Variants in OOEP observed in about 807,000 individuals in gnomAD.
OOEP encodes the protein oocyte expressed protein, also known as oocyte-expressed protein homolog.
OOEP carries 16 observed loss-of-function variants against 13.7 expected under a neutral mutation model. The observed-to-expected ratio is 1.16, with a 90% CI of 0.79 to 1.77. The LOEUF is 1.77. Among genes scored for constraint, OOEP ranks in the 40% most tolerant of loss-of-function variants. The pLI is 0.00. For missense variants in OOEP, 195 were observed against 193.1 expected, an observed-to-expected ratio of 1.01 and a Z score of -0.06; for synonymous variants, 89 against 77.1, an observed-to-expected ratio of 1.15 and a Z score of -0.81.
intron 2 of OOEP, among the ~76,000 whole-genome samples, chr6:73,390,635 G>A (rs1404744176): frequency 6.9e-6 from 1 of 144,940 alleles, no homozygotes; most frequent in Non-Finnish European, 1.5e-5. Context: ...GGAGTGTGAT[G>A]GTGCGATCTC....
intron 2 of OOEP, among the ~76,000 whole-genome samples, chr6:73,375,022 T>A (rs557994818): frequency 6.6e-6 from 1 of 152,204 alleles, no homozygotes; most frequent in African/African-American, 2.4e-5. Context: ...AGACGGGGTT[T>A]CGCCATGTTG....
Position 73,380,167 on chromosome 6 carries a change from G to A in OOEP, c.26-10782C>T, listed in dbSNP as rs143411260. 5.3e-3 allele frequency among the ~76,000 whole-genome samples: 803 copies of A among 151,510 alleles called. 7 individuals carry two copies. Among genetic ancestry groups the A allele is most frequent in the Non-Finnish European group, 9.2e-3 (626 of 67,944 alleles). On this transcript the variant is annotated intron_variant, in intron 2 of 3. Coordinates refer to the OOEP transcript ENST00000370363. ...GTATAATAAAAAATCACATTGATTAGTACCACCACCAATCTCATCAGAAAA... is the reference window on the plus strand; with the variant it reads ...GTATAATAAAAAATCACATTGATTAATACCACCACCAATCTCATCAGAAAA...
At chr6:73,384,130 T>C (rs1285353961) in intron 2 of OOEP, among the ~76,000 whole-genome samples, 2 of 151,776 alleles carry the variant, frequency 1.3e-5, no homozygotes, top group Non-Finnish European at 2.9e-5. Flanking sequence ...AAAAAATGAA[T>C]GAATGGAGGA....
chr6:73,394,263 T>C (rs1769404003), intron 2 of OOEP: 8 of 703,462 alleles, frequency 1.1e-5, no homozygotes, highest in Non-Finnish European at 1.8e-5. Flanking sequence ...GCAGCTTACA[T>C]AGCGAGGATA....
At chr6:73,379,651 A>AG in intron 2 of OOEP, among the ~76,000 whole-genome samples, 3 of 135,358 alleles carry the variant, frequency 2.2e-5, no homozygotes, top group Non-Finnish European at 4.7e-5. Context: ...AAAAAAAAAA[A>AG]AAAAAAAAAA....
Position 73,387,364 on chromosome 6 carries a change from A to G in OOEP, c.25+6982T>C, listed in dbSNP as rs567397046. 4.6e-5 allele frequency among the ~76,000 whole-genome samples: 7 copies of G among 151,958 alleles called. No individual in the cohort carries two copies. In the East Asian group the frequency reaches 1.4e-3, roughly 30 times the overall value. Reference sequence around the variant, plus strand: ...TCTCTACCAAAAATACAAGAAAAAAATTAGCCGGGTGTGGTGGCAGGTGCC... The same window carrying G: ...TCTCTACCAAAAATACAAGAAAAAAGTTAGCCGGGTGTGGTGGCAGGTGCC... On this transcript the variant is annotated intron_variant, in intron 2 of 3. Transcript: ENST00000370363.
chr6:73,394,624 T>TGG, intron 1 of OOEP: 1 of 199,826 alleles, frequency 5.0e-6, no homozygotes, highest in Non-Finnish European at 9.1e-6. Context: ...AGTGGGGGGG[T>TGG]GGGGGGCGGG....
intron 2 of OOEP, chr6:73,391,031 G>T (rs1205621500): frequency 6.6e-6 from 1 of 152,066 alleles, no homozygotes; most frequent in East Asian, 1.9e-4. Flanking sequence ...TGTTAAATCC[G>T]CCGGGCTTAT....
At chr6:73,388,851 T>A (rs184808037) in intron 2 of OOEP, among the ~76,000 whole-genome samples, 1 of 152,248 alleles carries the variant, frequency 6.6e-6, no homozygotes, top group Admixed American at 6.5e-5. Flanking sequence ...CGCCTGCTGC[T>A]CCGAGAGCCA....
exon 1 of OOEP, chr6:73,395,001 G>A (rs781132060): frequency 3.7e-6 from 6 of 1,614,246 alleles, no homozygotes; most frequent in South Asian, 1.1e-5. Context: ...GGAGGCCGGC[G>A]GAGGAGTTGA....
At chr6:73,372,797 G>C (rs1769076166), upstream of OOEP, among the ~76,000 whole-genome samples, 1 of 152,096 alleles carries the variant, frequency 6.6e-6, no homozygotes, top group African/African-American at 2.4e-5. Context: ...GGATCCTGCA[G>C]TGGGCCTGAC....
At chr6:73,370,340 A>G (rs1282838461), upstream of OOEP, among the ~76,000 whole-genome samples, 1 of 152,216 alleles carries the variant, frequency 6.6e-6, no homozygotes, top group Non-Finnish European at 1.5e-5. Flanking sequence ...CAAGTGTGTC[A>G]TGTTTTAAAC....
chr6:73,374,260 T>C (rs1430482036), upstream of OOEP, among the ~76,000 whole-genome samples: 1 of 152,098 alleles, frequency 6.6e-6, no homozygotes, highest in Non-Finnish European at 1.5e-5. Flanking sequence ...TAAAAGTACC[T>C]GGAGTCTATG....
At chr6:73,375,238 C>T (rs1431587659) in intron 2 of OOEP, among the ~76,000 whole-genome samples, 1 of 152,120 alleles carries the variant, frequency 6.6e-6, no homozygotes, top group African/African-American at 2.4e-5. Flanking sequence ...TCCAAGGCAC[C>T]TCTTTACTAA....
At chr6:73,383,481 C>CA (rs1170323296) in intron 2 of OOEP, among the ~76,000 whole-genome samples, 1 of 152,016 alleles carries the variant, frequency 6.6e-6, no homozygotes, top group East Asian at 1.9e-4. Context: ...ACTAAAAATA[C>CA]AAAATTAGCT....
At chr6:73,376,340 GGTTGTTTTTT>G (rs1192297883) in intron 2 of OOEP, among the ~76,000 whole-genome samples, 1 of 91,756 alleles carries the variant, frequency 1.1e-5, no homozygotes, top group East Asian at 3.9e-4. Flanking sequence ...TTGGACAAGG[GGTTGTTTTTT>G]TTTTTTTTTT....
At chr6:73,369,968 C>T (rs1311347431), upstream of OOEP, 4 of 603,574 alleles carry the variant, frequency 6.6e-6, no homozygotes, top group African/African-American at 5.6e-5. Context: ...ATAGCGGCAC[C>T]ATTGGACACT....
chr6:73,380,124 G>A lies in OOEP; in HGVS notation c.26-10739C>T, dbSNP rs74295589. Reference sequence around the variant, plus strand: ...TGAAATATTTAATTTTCCAAATACTGACTCATTTCATTATACAGTATAATA... The same window carrying A: ...TGAAATATTTAATTTTCCAAATACTAACTCATTTCATTATACAGTATAATA... On this transcript the variant is annotated intron_variant, in intron 2 of 3. Transcript: ENST00000370363. Among the ~76,000 whole-genome samples the A allele has an allele frequency of 1.8e-3, 276 of 151,994 alleles. 3 individuals are homozygous for A. The highest frequency in any genetic ancestry group is 0.018 in the East Asian group (93 of 5,184).
intron 2 of OOEP, among the ~76,000 whole-genome samples, chr6:73,376,210 G>GCCT (rs1157083831): frequency 6.6e-6 from 1 of 152,064 alleles, no homozygotes; most frequent in African/African-American, 2.4e-5. Flanking sequence ...ATCCATTCTT[G>GCCT]CCTGGAGGAT....
Sources: allele counts gnomAD v4.1 joint callset (sites outside exome capture counted in the v4.1 genomes callset), GRCh38; gene constraint gnomAD v4.1.1; transcripts MANE v1.5; gene names NCBI Gene and HGNC (gene_info 2026-07-23, HGNC 2026-07-21).